Variants in NCOR2 observed in about 807,000 individuals in gnomAD.
NCOR2 encodes CTG repeat protein 26.
Under a neutral mutation model 262.9 loss-of-function variants are expected in NCOR2, and 81 were observed. The observed-to-expected ratio is 0.31, with a 90% CI of 0.26 to 0.37. The LOEUF (loss-of-function observed/expected upper bound fraction) is 0.37, where lower values mean the gene tolerates loss of function less well. Ranked by LOEUF, NCOR2 falls within the 10% of genes least tolerant of loss-of-function variation. NCOR2 has a pLI of 1.00. For missense variants in NCOR2, 3,385 were observed against 3,621.4 expected, an observed-to-expected ratio of 0.93 and a Z score of 1.68; for synonymous variants, 1,659 against 1,559.3, an observed-to-expected ratio of 1.06 and a Z score of -1.51.
chr12:124,517,473 T>C lies in NCOR2; in HGVS notation c.-118+18092A>G, dbSNP rs1272569767. Among the ~76,000 whole-genome samples the C allele has an allele frequency of 6.6e-6, 1 of 152,184 alleles. No homozygotes were observed. Among genetic ancestry groups the C allele is most frequent in the African/African-American group, 2.4e-5 (1 of 41,462 alleles). ...GGCAAGCCTGGGCCGGTGGCGCTGA[T>C]TTCAAACCAGACATGGGCACCGAGC... On this transcript the variant is annotated intron_variant, in intron 1 of 46. Transcript: ENST00000404621. The surrounding 1 kb of genome is among the most constrained non-coding windows in gnomAD (Gnocchi z 7.6).
intron 26 of NCOR2, 84 bp downstream of exon 28, chr12:124,354,394 C>T: frequency 7.7e-7 from 1 of 1,306,914 alleles, no homozygotes; most frequent in Non-Finnish European, 1.0e-6. Context: ...GATGACACTT[C>T]CCAGCAGGTT....
intron 22 of NCOR2, among the ~76,000 whole-genome samples, chr12:124,358,975 C>T (rs2038260389): frequency 6.6e-6 from 1 of 152,276 alleles, no homozygotes; most frequent in South Asian, 2.1e-4. Context: ...GGCTTCGAAC[C>T]CAGGCACTGG....
Position 124,460,318 on chromosome 12 carries a change from G to GC in NCOR2, c.706-3157dup, listed in dbSNP as rs564508346. On this transcript the variant is annotated intron_variant, in intron 5 of 46. Transcript: ENST00000405201. ...CTCCCTCGCTCAGGCGGTCTCTGGG[G>GC]CAAAGCATTCTTGTACCTGCAGGCT... Among the ~76,000 whole-genome samples, 4 of 152,340 alleles carry GC rather than the reference G, an allele frequency of 2.6e-5. No homozygotes were observed. In the South Asian group the frequency reaches 8.3e-4, roughly 32 times the overall value.
chr12:124,496,993 G>A (rs2048413842), upstream of NCOR2, among the ~76,000 whole-genome samples: 1 of 152,254 alleles, frequency 6.6e-6, no homozygotes, highest in South Asian at 2.1e-4. This position sits in a 1 kb window ranked among gnomAD's most constrained non-coding sequence, Gnocchi z 4.4. Flanking sequence ...CGGCAGGAAG[G>A]CAGGGCGAAA....
At chr12:124,393,735 A>C (rs1011887156) in intron 16 of NCOR2, among the ~76,000 whole-genome samples, 1 of 152,246 alleles carries the variant, frequency 6.6e-6, no homozygotes, top group Non-Finnish European at 1.5e-5. Context: ...TAGGCTGCTC[A>C]CTAAGCCTCT....
intron 7 of NCOR2, among the ~76,000 whole-genome samples, chr12:124,448,542 C>A (rs1028802385): frequency 6.6e-6 from 1 of 152,186 alleles, no homozygotes; most frequent in African/African-American, 2.4e-5. Flanking sequence ...ATGACCCCCC[C>A]GCCAGCCACG....
rs761825500 is a variant in NCOR2 at position 124,481,280 on chromosome 12, C to T, written c.411+2316G>A. On this transcript the variant is annotated intron_variant, in intron 3 of 46. Coordinates refer to ENST00000405201, the Ensembl canonical transcript of NCOR2. The surrounding 1 kb of genome is among the most constrained non-coding windows in gnomAD (Gnocchi z 4.6). ...CTGGGGTACCCGAGGGGGCAGTGCC[C>T]GAGAGGAACTGGCATCGACACCAGT... Among the ~76,000 whole-genome samples the T allele has an allele frequency of 1.8e-3, 281 of 152,172 alleles. 2 individuals are homozygous for T. The highest frequency in any genetic ancestry group is 0.014 in the Middle Eastern group (4 of 294).
At chr12:124,355,029 G>A (rs940861579) in intron 24 of NCOR2, 90 bp from the exon 27 acceptor site, 38 of 1,102,968 alleles carry the variant, frequency 3.4e-5, no homozygotes, top group Middle Eastern at 2.0e-4. Context: ...AAAAGCCCAC[G>A]TGTGGGTCAG....
At chr12:124,418,042 C>T (rs528658773) in intron 13 of NCOR2, among the ~76,000 whole-genome samples, 7 of 146,906 alleles carry the variant, frequency 4.8e-5, no homozygotes, top group African/African-American at 1.8e-4. Flanking sequence ...ACCTGGGCGA[C>T]GGTGTGAAAC....
chr12:124,452,766 G>C (rs2045625768), intron 6 of NCOR2, among the ~76,000 whole-genome samples: 3 of 152,192 alleles, frequency 2.0e-5, no homozygotes, highest in African/African-American at 7.2e-5. Context: ...AGCCACAGGG[G>C]AGGAAGGCCA....
At chr12:124,344,808 A>C (rs1161024876) in exon 32 of NCOR2, 1 of 1,554,260 alleles carries the variant, frequency 6.4e-7, no homozygotes. Flanking sequence ...CGTAGCAGGC[A>C]CGTTCCAGTG....
rs898352248 is a variant in NCOR2, at chr12:124,566,396, G to A, written c.-165+912C>T. 6.6e-6 allele frequency among the ~76,000 whole-genome samples: 1 copy of A among 152,156 alleles called. No individual in the cohort carries two copies. Among genetic ancestry groups the A allele is most frequent in the Admixed American group, 6.5e-5 (1 of 15,280 alleles). On this transcript the variant is annotated intron_variant, in intron 1 of 32. Coordinates refer to the NCOR2 transcript ENST00000458234. This position sits in a 1 kb window ranked among gnomAD's most constrained non-coding sequence, Gnocchi z 4.3. ...GGCGCCCCACGCTAATTGGGCCCGG[G>A]CGACAGCAGCTCCCAGGTACAGCCT...
intron 1 of NCOR2, among the ~76,000 whole-genome samples, chr12:124,500,669 C>T (rs780420633): frequency 1.3e-5 from 2 of 152,182 alleles, no homozygotes; most frequent in African/African-American, 4.8e-5. Flanking sequence ...AGGCGCCTTT[C>T]CGGGAGGCCC....
At chr12:124,437,011 G>C (rs1001908829) in intron 8 of NCOR2, among the ~76,000 whole-genome samples, 1 of 152,084 alleles carries the variant, frequency 6.6e-6, no homozygotes, top group East Asian at 1.9e-4. Flanking sequence ...GCTTGAACCC[G>C]AGAGGCGGAG....
intron 5 of NCOR2, among the ~76,000 whole-genome samples, chr12:124,458,809 T>C (rs1231969698): frequency 6.6e-6 from 1 of 152,064 alleles, no homozygotes; most frequent in Admixed American, 6.5e-5. Context: ...GTATTTCCGG[T>C]GGATGGGGGC....
intron 1 of NCOR2, among the ~76,000 whole-genome samples, chr12:124,544,305 C>T (rs980387840): frequency 6.6e-6 from 1 of 152,222 alleles, no homozygotes; most frequent in Non-Finnish European, 1.5e-5. Context: ...ATGTCAGCTG[C>T]TGGCTTCTCC....
chr12:124,369,832 G>A (rs1383835494), intron 20 of NCOR2, among the ~76,000 whole-genome samples: 2 of 152,142 alleles, frequency 1.3e-5, no homozygotes, highest in African/African-American at 4.8e-5. Context: ...GGCCCTGGGC[G>A]GGGCTGCAGG....
At chr12:124,476,484 G>A (rs2047104249) in intron 3 of NCOR2, among the ~76,000 whole-genome samples, 1 of 152,158 alleles carries the variant, frequency 6.6e-6, no homozygotes, top group Admixed American at 6.5e-5. Flanking sequence ...GGGCTATGGG[G>A]GCCAGGCCAC....
intron 12 of NCOR2, 104 bp from the exon 15 acceptor site, chr12:124,420,159 C>G (rs2043131417): frequency 1.1e-6 from 1 of 923,128 alleles, no homozygotes; most frequent in Non-Finnish European, 1.7e-6. Context: ...CTTCCACGTA[C>G]CGGCTGGGTG....
Sources: gnomAD v4.1 joint callset for allele counts (sites outside exome capture counted in the v4.1 genomes callset) on GRCh38, gnomAD v4.1.1 for gene constraint, Gnocchi (gnomAD v3.1) non-coding constraint, MANE v1.5 for transcripts, NCBI Gene and HGNC (gene_info 2026-07-23, HGNC 2026-07-21) for gene names.